FBXO10: variants seen among roughly 807,000 people sequenced by gnomAD.
The protein encoded by FBXO10 is F-box only protein 10.
In FBXO10, 39 loss-of-function variants were observed where a neutral mutation model predicts 80.7. The ratio of observed to expected loss-of-function variants is 0.48; its 90% CI spans 0.37 to 0.63. FBXO10 has a LOEUF of 0.63. FBXO10 is among the 30% of genes least tolerant of loss of function. The pLI, the probability that FBXO10 is intolerant of heterozygous loss-of-function variation, is 0.00. For missense variants in FBXO10, 1,025 were observed against 1,269.0 expected, an observed-to-expected ratio of 0.81 and a Z score of 2.92; for synonymous variants, 449 against 489.6, an observed-to-expected ratio of 0.92 and a Z score of 1.09.
At position 37,529,343 on chromosome 9, in the gene FBXO10, C is replaced by T. The variant is rs79498116; in HGVS notation, c.1570-83G>A. 1.3e-3 allele frequency: 1,965 copies of T among 1,471,994 alleles called. 17 individuals carry two copies. In the African/African-American group the frequency reaches 0.022, roughly 16 times the overall value. 91.2% of individuals were successfully genotyped at this position (1,471,994 alleles called of 1,614,324 possible). The stretch of plus-strand genomic sequence containing the variant: ...TGCCCAGGTGCCGCCCACACCTCCG[C>T]GGCAGGATGAACACAGTGGAGAAAA... On this transcript the variant is annotated intron_variant, in intron 4 of 10. Transcript: ENST00000432825.
intron 9 of FBXO10, among the ~76,000 whole-genome samples, chr9:37,517,681 A>AG (rs1407461738): frequency 6.6e-6 from 1 of 151,994 alleles, no homozygotes; most frequent in Non-Finnish European, 1.5e-5. Context: ...CTGCAGTGCA[A>AG]GGCGGGCAGG....
intron 1 of FBXO10, among the ~76,000 whole-genome samples, chr9:37,551,086 A>G (rs1464045532): frequency 6.6e-6 from 1 of 152,242 alleles, no homozygotes; most frequent in Admixed American, 6.5e-5. Flanking sequence ...TGCAAGAGAG[A>G]AACAGACAAG....
At chr9:37,512,746 T>G (rs1821094470) in intron 10 of FBXO10, 25 bp from the exon 11 acceptor site, 1 of 1,605,168 alleles carries the variant, frequency 6.2e-7, no homozygotes, top group Non-Finnish European at 8.5e-7. Context: ...CGAAAGTCAG[T>G]GAACTTCTGA....
chr9:37,565,062 TC>T (rs1822570205), intron 1 of FBXO10, among the ~76,000 whole-genome samples: 1 of 152,112 alleles, frequency 6.6e-6, no homozygotes, highest in African/African-American at 2.4e-5. Context: ...GGGCACGGTT[TC>T]CCCCATGCTG....
rs1251656148 is a variant in FBXO10 at position 37,521,680 on chromosome 9, C to T, written c.2089G>A (p.Glu697Lys). Residue 697 changes from glutamate (E) to lysine (K), a missense_variant, in exon 8 of 11, where the codon GAG becomes AAG. Physicochemically the swap from Glu to Lys is moderately conservative, Grantham distance 56. Transcript: ENST00000432825. The stretch of plus-strand genomic sequence containing the variant: ...TCCCAGAGGATGGCGTCCCCATCCT[C>T]GCTGAAGTTCTCTTGAGCCCTGTGG... Reference protein sequence around the residue: ...RGHRAQENFSEDGDAILWETE... With the variant: ...RGHRAQENFSKDGDAILWETE... 6 of 1,613,980 alleles carry T rather than the reference C, an allele frequency of 3.7e-6. No homozygotes were observed. Among genetic ancestry groups the T allele is most frequent in the East Asian group, 2.2e-5 (1 of 44,874 alleles).
At chr9:37,567,705 T>C (rs1175557087) in intron 1 of FBXO10, among the ~76,000 whole-genome samples, 2 of 152,082 alleles carry the variant, frequency 1.3e-5, no homozygotes, top group African/African-American at 4.8e-5. Flanking sequence ...AATTTTTGCA[T>C]TTTTAGTAGA....
intron 1 of FBXO10, among the ~76,000 whole-genome samples, chr9:37,559,381 T>C (rs992275395): frequency 2.0e-5 from 3 of 152,206 alleles, no homozygotes; most frequent in Non-Finnish European, 4.4e-5. Context: ...CTCTGTATCA[T>C]GCAAAGACCA....
chr9:37,545,923 G>T (rs139633087), intron 1 of FBXO10, among the ~76,000 whole-genome samples: 7 of 152,098 alleles, frequency 4.6e-5, no homozygotes, highest in Admixed American at 4.6e-4. Flanking sequence ...GAGGTGGGTG[G>T]ATCACTTGAA....
At chr9:37,564,757 G>C (rs1822563582) in intron 1 of FBXO10, among the ~76,000 whole-genome samples, 1 of 152,220 alleles carries the variant, frequency 6.6e-6, no homozygotes, top group Non-Finnish European at 1.5e-5. Context: ...ACTGTATTTA[G>C]GAAGTAACTA....
intron 3 of FBXO10, chr9:37,536,154 G>A (rs1364548825): frequency 6.6e-6 from 1 of 152,164 alleles, no homozygotes; most frequent in African/African-American, 2.4e-5. Flanking sequence ...CATTTTAGAA[G>A]CCTGCAACAC....
Position 37,512,367 on chromosome 9 carries a change from GC to G in FBXO10, c.*179del, listed in dbSNP as rs1774514858. The G allele has an allele frequency of 5.7e-6, 3 of 524,300 alleles. No individual in the cohort carries two copies. Among genetic ancestry groups the G allele is most frequent in the Admixed American group, 3.5e-5 (1 of 28,252 alleles). 32.5% of individuals were successfully genotyped at this position (524,300 alleles called of 1,614,324 possible). On this transcript the variant is annotated 3_prime_UTR_variant, in exon 11 of 11. Transcript: ENST00000432825. The stretch of plus-strand genomic sequence containing the variant: ...CTATCCCTTCTCCCTGAAAAACATT[GC>G]CCACTTTCTTCTTGCTATGGGCTGT...
chr9:37,560,919 G>T (rs1456178373), intron 1 of FBXO10, among the ~76,000 whole-genome samples: 1 of 152,162 alleles, frequency 6.6e-6, no homozygotes, highest in African/African-American at 2.4e-5. Flanking sequence ...GAGGCAGGCA[G>T]ATCATGAGGT....
intron 4 of FBXO10, among the ~76,000 whole-genome samples, chr9:37,530,320 A>G (rs1377078942): frequency 2.0e-5 from 3 of 152,208 alleles, no homozygotes; most frequent in African/African-American, 7.2e-5. Flanking sequence ...AGGATTTGGC[A>G]GGCTCATCAG....
chr9:37,519,470 AC>A (rs1314842244), intron 8 of FBXO10, among the ~76,000 whole-genome samples: 2 of 57,192 alleles, frequency 3.5e-5, no homozygotes, highest in Admixed American at 1.6e-4. Context: ...CCCTCTGCCC[AC>A]CAACAGCAAC....
intron 8 of FBXO10, 69 bp from the exon 9 acceptor site, chr9:37,518,507 G>C (rs578244469): frequency 7.3e-7 from 1 of 1,375,652 alleles, no homozygotes; most frequent in East Asian, 2.4e-5. Flanking sequence ...GTCAGGAAAA[G>C]CCTTCCCTGA....
chr9:37,521,935 G>C, intron 7 of FBXO10, 97 bp from the exon 8 acceptor site: 1 of 1,358,982 alleles, frequency 7.4e-7, no homozygotes, highest in East Asian at 2.5e-5. Flanking sequence ...TGGCCTGGGA[G>C]AGAGTCCCTG....
At chr9:37,555,714 A>G (rs1237299740) in intron 1 of FBXO10, among the ~76,000 whole-genome samples, 2 of 151,214 alleles carry the variant, frequency 1.3e-5, no homozygotes, top group Non-Finnish European at 2.9e-5. Context: ...TTTTTAATAT[A>G]TATTTAATTA....
intron 1 of FBXO10, among the ~76,000 whole-genome samples, chr9:37,569,176 A>G (rs1822683700): frequency 6.6e-6 from 1 of 152,096 alleles, no homozygotes. Context: ...CCTAAAACAC[A>G]GTTACAGAAA....
In FBXO10 at chr9:37,512,537, G is replaced by A; in HGVS notation, c.*10C>T. On this transcript the variant is annotated 3_prime_UTR_variant, in exon 11 of 11. Coordinates refer to ENST00000432825, the MANE Select transcript of FBXO10 (RefSeq NM_012166.3). ...CCATCCAGGCTTGGCCCTGAAGCAG[G>A]TCTGTGTCCTCACAGGATGGTGCAG... The A allele has an allele frequency of 2.5e-6, 4 of 1,610,790 alleles. No individual in the cohort carries two copies. The highest frequency in any genetic ancestry group is 3.4e-6 in the Non-Finnish European group (4 of 1,177,452).
Sources: gnomAD v4.1 joint callset for allele counts (sites outside exome capture counted in the v4.1 genomes callset) on GRCh38, gnomAD v4.1.1 for gene constraint, MANE v1.5 for transcripts, NCBI Gene and HGNC (gene_info 2026-07-23, HGNC 2026-07-21) for gene names.